PI4KA: variants seen among roughly 807,000 people sequenced by gnomAD.
PI4KA encodes the protein phosphatidylinositol 4-kinase alpha.
Under a neutral mutation model 271.4 loss-of-function variants are expected in PI4KA, and 122 were observed. The observed-to-expected ratio is 0.45, with a 90% CI of 0.39 to 0.52. PI4KA has a LOEUF of 0.52. Among genes scored for constraint, PI4KA ranks in the 20% least tolerant of loss-of-function variants. PI4KA has a pLI of 0.00. For missense variants in PI4KA, 1,969 were observed against 2,769.1 expected, an observed-to-expected ratio of 0.71 and a Z score of 6.48; for synonymous variants, 1,041 against 1,078.8, an observed-to-expected ratio of 0.96 and a Z score of 0.69.
intron 47 of PI4KA, among the ~76,000 whole-genome samples, chr22:20,714,026 T>C (rs1160446513): frequency 6.6e-6 from 1 of 152,190 alleles, no homozygotes; most frequent in East Asian, 1.9e-4. Flanking sequence ...GTGGAGCATC[T>C]GCAGGCCAAG....
Position 20,802,048 on chromosome 22 carries a change from T to C in PI4KA, c.1649A>G (p.Asn550Ser). The change falls in exon 14 of 55, where the codon AAC (asparagine) becomes AGC (serine). Residue 550 changes from asparagine (N) to serine (S), a missense_variant. Asn to Ser is a conservative substitution (Grantham distance 46). This residue lies in a region of PI4KA where 228 missense variants were observed against 261.6 expected (regional missense o/e 0.87). Transcript: ENST00000255882. ...VTNEHSESTLNVMSGKKSQPS... is the reference protein window; with the variant it reads ...VTNEHSESTLSVMSGKKSQPS... ...CTGGCTCTTCTTACCCGACATGACGTTCAGGGTTGACTCGGAATGCTCATT... is the reference window on the plus strand; with the variant it reads ...CTGGCTCTTCTTACCCGACATGACGCTCAGGGTTGACTCGGAATGCTCATT... 1 of 1,614,112 alleles carries C rather than the reference T, an allele frequency of 6.2e-7. No homozygotes were observed.
At chr22:20,752,642 T>C (rs1423425658) in intron 25 of PI4KA, among the ~76,000 whole-genome samples, 1 of 152,166 alleles carries the variant, frequency 6.6e-6, no homozygotes, top group Admixed American at 6.5e-5. Context: ...TGGGTGGGAC[T>C]GAGAGACACA....
At chr22:20,727,155 G>A in intron 41 of PI4KA, 75 bp downstream of exon 41, 2 of 1,379,326 alleles carry the variant, frequency 1.4e-6, no homozygotes, top group South Asian at 1.3e-5. Flanking sequence ...CAATGGTGGG[G>A]CCTGTGCCTC....
At chr22:20,857,284 G>C (rs1807970722) in intron 1 of PI4KA, among the ~76,000 whole-genome samples, 1 of 152,184 alleles carries the variant, frequency 6.6e-6, no homozygotes, top group Admixed American at 6.5e-5. Context: ...CCTTTCCATT[G>C]CATTGTACTC....
intron 32 of PI4KA, among the ~76,000 whole-genome samples, chr22:20,738,941 G>A (rs568037672): frequency 3.8e-4 from 58 of 150,862 alleles, no homozygotes; most frequent in Admixed American, 7.9e-4. Context: ...GGTGGCTCAC[G>A]CCTGTAATCC....
rs117028321 is a variant in PI4KA, at chr22:20,745,491, G to T, written c.3364-771C>A. ...AGTTTAGAGGGATTTTTTTTTGAGG[G>T]GACATGGTGTGGAGAAAGAGGACCA... On this transcript the variant is annotated intron_variant, in intron 29 of 54. Coordinates refer to ENST00000255882, the MANE Select transcript of PI4KA (RefSeq NM_058004.4). Among the ~76,000 whole-genome samples, 135 of 152,046 alleles carry T rather than the reference G, an allele frequency of 8.9e-4. 2 individuals carry two copies. In the East Asian group the frequency reaches 0.025, roughly 28 times the overall value.
rs998468851 is a variant in PI4KA at position 20,730,850 on chromosome 22, G to T, written c.4289-839C>A. 3.3e-5 allele frequency among the ~76,000 whole-genome samples: 5 copies of T among 152,054 alleles called. No homozygotes were observed. In the East Asian group the frequency reaches 7.8e-4, roughly 24 times the overall value. The stretch of plus-strand genomic sequence containing the variant: ...CTCCCAAAGTGCTGGGATTACAGGC[G>T]TGAGTCACTACACCTGGACTTCTTC... On this transcript the variant is annotated intron_variant, in intron 36 of 54. Coordinates refer to ENST00000255882, the MANE Select transcript of PI4KA (RefSeq NM_058004.4).
Position 20,733,787 on chromosome 22 carries a change from A to G in PI4KA, c.4109T>C (p.Ile1370Thr). ...GATCTTCTCGCGAAGCACATTGCGG[A>G]TGGTTGCATTTGGAACCACATCGGC... is the stretch of plus-strand genomic sequence containing the variant. The part of the protein sequence containing the change: ...LHADVVPNAT[I>T]RNVLREKIYS... Residue 1370 changes from isoleucine (I) to threonine (T), a missense_variant, in exon 35 of 55, where the codon ATC (isoleucine) becomes ACC (threonine). Physicochemically the swap from Ile to Thr is moderately conservative, Grantham distance 89. Coordinates refer to ENST00000255882, the MANE Select transcript of PI4KA (RefSeq NM_058004.4). 1 of 1,613,070 alleles carries G rather than the reference A, an allele frequency of 6.2e-7. No individual in the cohort carries two copies. The highest frequency in any genetic ancestry group is 8.5e-7 in the Non-Finnish European group (1 of 1,179,832).
chr22:20,757,910 G>C (rs941963749), intron 23 of PI4KA, among the ~76,000 whole-genome samples: 3 of 151,972 alleles, frequency 2.0e-5, no homozygotes, highest in African/African-American at 7.3e-5. Context: ...AATTCTTCTA[G>C]AGGTTGGCAG....
In PI4KA at chr22:20,729,715, G is replaced by A. The variant is rs1485823391; in HGVS notation, c.4409-4C>T. On this transcript the variant is annotated splice_polypyrimidine_tract_variant and splice_region_variant and intron_variant, in intron 37 of 54. Transcript: ENST00000255882. The stretch of plus-strand genomic sequence containing the variant: ...CGGTTGGTTTTCTTAGACATGCCTA[G>A]GAGGAAAGACAAAGCACAGGTGTAG... 9 of 1,592,570 alleles carry A rather than the reference G, an allele frequency of 5.7e-6. No individual in the cohort carries two copies. The highest frequency in any genetic ancestry group is 7.7e-6 in the Non-Finnish European group (9 of 1,167,634).
At chr22:20,776,876 A>C (rs555608284) in intron 19 of PI4KA, among the ~76,000 whole-genome samples, 37 of 152,052 alleles carry the variant, frequency 2.4e-4, no homozygotes, top group African/African-American at 8.4e-4. Flanking sequence ...GTATCCGAAC[A>C]GTTACCCCAT....
At chr22:20,780,908 T>C (rs975163155) in intron 19 of PI4KA, among the ~76,000 whole-genome samples, 9 of 152,184 alleles carry the variant, frequency 5.9e-5, no homozygotes, top group African/African-American at 1.9e-4. Context: ...AAAACTGTTT[T>C]AGCATTTGGC....
rs140648511 is a variant in PI4KA at position 20,734,455 on chromosome 22, C to T, written c.3840G>A (p.Ser1280=). 3,213 of 1,613,106 alleles carry T rather than the reference C, an allele frequency of 2.0e-3. 47 individuals are homozygous for T. In the African/African-American group the frequency reaches 0.037, roughly 18 times the overall value. ...GACAGGGTTTGGGTTGACTTGCTTC[C>T]GAGGCAGCCAGGGGGTCTGCTTCCT... ...EIKEADPLAA[S]EASQPKPCPP... is the part of the protein sequence containing the mutation. Residue 1280 remains serine, a synonymous_variant, in exon 33 of 55, where the codon TCG becomes TCA. Transcript: ENST00000255882.
intron 28 of PI4KA, 38 bp downstream of exon 28, chr22:20,749,867 G>A (rs374796141): frequency 3.1e-6 from 4 of 1,285,260 alleles, no homozygotes; most frequent in African/African-American, 2.9e-5. Flanking sequence ...GGAGTTTGAA[G>A]GAGCTTATGG....
intron 1 of PI4KA, among the ~76,000 whole-genome samples, chr22:20,840,846 T>A (rs1925460485): frequency 6.6e-6 from 1 of 151,944 alleles, no homozygotes; most frequent in Admixed American, 6.6e-5. Context: ...TAAGACCCTG[T>A]CCCTACAAAA....
intron 1 of PI4KA, among the ~76,000 whole-genome samples, chr22:20,844,474 T>C (rs931806228): frequency 6.6e-6 from 1 of 152,200 alleles, no homozygotes; most frequent in African/African-American, 2.4e-5. Context: ...TGAAGTAATA[T>C]ATAATGTACA....
Position 20,798,636 on chromosome 22 carries a change from C to A in PI4KA, c.2056G>T (p.Ala686Ser). The A allele has an allele frequency of 1.2e-6, 2 of 1,613,888 alleles. No individual in the cohort carries two copies. Among genetic ancestry groups the A allele is most frequent in the South Asian group, 1.1e-5 (1 of 91,082 alleles). Reference sequence around the variant, plus strand: ...GTGGCTGAGTATACAACGGAGCTGGCCTTCACACTGATCTGCTGGAAGAGG... The same window carrying A: ...GTGGCTGAGTATACAACGGAGCTGGACTTCACACTGATCTGCTGGAAGAGG... ...WNLFQQISVK[A>S]SSVVYSATKD... The change falls in exon 17 of 55, where the codon GCC becomes TCC. Residue 686 changes from alanine (A) to serine (S), a missense_variant. Ala to Ser is a moderately conservative substitution (Grantham distance 99, BLOSUM62 1). Transcript: ENST00000255882.
At chr22:20,731,530 C>G (rs1928049773) in intron 36 of PI4KA, among the ~76,000 whole-genome samples, 1 of 151,042 alleles carries the variant, frequency 6.6e-6, no homozygotes, top group African/African-American at 2.4e-5. Context: ...GCAATGTGGC[C>G]CACACCTGTA....
At chr22:20,737,057 C>T (rs981387896) in intron 32 of PI4KA, among the ~76,000 whole-genome samples, 29 of 152,338 alleles carry the variant, frequency 1.9e-4, no homozygotes, top group African/African-American at 6.7e-4. Flanking sequence ...GTTGGGGCTG[C>T]TAATCAGTTC....
Sources: gnomAD v4.1 joint callset for allele counts (sites outside exome capture counted in the v4.1 genomes callset) on GRCh38, gnomAD v4.1.1 for gene constraint, gnomAD v4.1.1 regional missense constraint, MANE v1.5 for transcripts, NCBI Gene and HGNC (gene_info 2026-07-23, HGNC 2026-07-21) for gene names.